Variants in SLC44A1 observed in about 807,000 individuals in gnomAD.
SLC44A1 encodes the protein solute carrier family 44 member 1.
Under a neutral mutation model 79.3 loss-of-function variants are expected in SLC44A1, and 26 were observed. The observed-to-expected ratio is 0.33, with a 90% CI of 0.24 to 0.46. The LOEUF is 0.46. Among genes scored for constraint, SLC44A1 ranks in the 20% least tolerant of loss-of-function variants. The pLI is 1.00. For synonymous variants in SLC44A1, 263 were observed against 286.2 expected (o/e 0.92, Z 0.82); for missense variants, 688 against 798.1 (o/e 0.86, Z 1.66).
intron 4 of SLC44A1, among the ~76,000 whole-genome samples, chr9:105,336,505 C>T (rs894653440): frequency 6.6e-6 from 1 of 152,056 alleles, no homozygotes; most frequent in African/African-American, 2.4e-5. Flanking sequence ...TTTTAACCAC[C>T]CTTTGTAGAG....
At chr9:105,317,779 G>A (rs1310819940) in intron 3 of SLC44A1, among the ~76,000 whole-genome samples, 1 of 152,188 alleles carries the variant, frequency 6.6e-6, no homozygotes, top group African/African-American at 2.4e-5. Flanking sequence ...CTCAGAAGAA[G>A]AGAGGTATAC....
intron 3 of SLC44A1, among the ~76,000 whole-genome samples, chr9:105,324,604 A>T (rs1312383477): frequency 1.3e-5 from 2 of 151,636 alleles, no homozygotes; most frequent in East Asian, 3.9e-4. Flanking sequence ...TTGTAATATA[A>T]TTTTTTCATA....
rs760479587 is a variant in SLC44A1 at position 105,335,611 on chromosome 9, G to A, written c.318G>A (p.Lys106=). Residue 106 remains lysine, a synonymous_variant, in exon 4 of 16, where the codon AAG becomes AAA. Transcript: ENST00000374720. The stretch of plus-strand genomic sequence containing the variant: ...GCAACCTGGACTTGATAAACCGGAA[G>A]ATTAAGTCTGTAGCACTGTGTGTAG... The part of the protein sequence containing the change: ...DPCNLDLINR[K]IKSVALCVAA... The A allele has an allele frequency of 1.9e-6, 3 of 1,613,362 alleles. No individual in the cohort carries two copies. The South Asian group carries it at 3.3e-5, about 18-fold the overall frequency.
At chr9:105,307,218 A>G (rs1234103517) in intron 2 of SLC44A1, among the ~76,000 whole-genome samples, 2 of 152,230 alleles carry the variant, frequency 1.3e-5, no homozygotes, top group Non-Finnish European at 2.9e-5. Flanking sequence ...AGAGATGAGG[A>G]GGGAACAGAG....
In SLC44A1 at chr9:105,387,060, A is replaced by ATATATATAT. The variant is rs761598964; in HGVS notation, c.1950+1558_1950+1559insTATATATAT. 8.9e-3 allele frequency among the ~76,000 whole-genome samples: 69 copies of ATATATATAT among 7,744 alleles called. 2 individuals are homozygous for ATATATATAT. The highest frequency in any genetic ancestry group is 0.023 in the African/African-American group (58 of 2,470). The allele number at this position is 7,744 out of a possible 152,430, so 5.1% of individuals were successfully genotyped here. A position where few individuals can be genotyped will look rare whatever the true frequency, so the allele number is the denominator to read the frequency against. On this transcript the variant is annotated intron_variant, in intron 15 of 15. Coordinates refer to ENST00000374720, the MANE Select transcript of SLC44A1 (RefSeq NM_080546.5). ...TCTCAAAAAAAAAAAAAAAAAAAAA[A>ATATATATAT]ATATATATATATATGATATAAAATA... is the stretch of plus-strand genomic sequence containing the variant.
intron 5 of SLC44A1, chr9:105,355,834 T>C (rs754369234): frequency 5.9e-6 from 1 of 168,260 alleles, no homozygotes; most frequent in Non-Finnish European, 1.3e-5. Context: ...CAATAAAGTA[T>C]GTGTTTGTAA....
chr9:105,330,811 A>G (rs1826726647), intron 3 of SLC44A1, among the ~76,000 whole-genome samples: 1 of 152,242 alleles, frequency 6.6e-6, no homozygotes, highest in Non-Finnish European at 1.5e-5. Context: ...CCCCAACTGT[A>G]ATAAATACAC....
rs36029577 is a variant in SLC44A1, at chr9:105,414,050, G to GTTT, written c.1951-24219_1951-24217dup. On this transcript the variant is annotated intron_variant, in intron 15 of 15. Coordinates refer to the SLC44A1 transcript ENST00000374724. ...GCTTTCGCTGGACAGTTAGTGTTTG[G>GTTT]TTTTTTTTTTTTTTGTATTTTTGTT... is the stretch of plus-strand genomic sequence containing the variant. Among the ~76,000 whole-genome samples, 39 of 140,336 alleles carry GTTT rather than the reference G, an allele frequency of 2.8e-4. 1 individual carries two copies. Among genetic ancestry groups the GTTT allele is most frequent in the African/African-American group, 8.3e-4 (32 of 38,458 alleles). The allele number at this position is 140,336 out of a possible 152,430, so 92.1% of individuals were successfully genotyped here.
chr9:105,424,328 G>T (rs929917578), intron 15 of SLC44A1, among the ~76,000 whole-genome samples: 2 of 152,194 alleles, frequency 1.3e-5, no homozygotes, highest in African/African-American at 4.8e-5. Flanking sequence ...TCTTCCTAAG[G>T]ATGGATACTG....
intron 7 of SLC44A1, among the ~76,000 whole-genome samples, chr9:105,360,144 A>G (rs1371503583): frequency 1.3e-5 from 2 of 151,558 alleles, no homozygotes; most frequent in Non-Finnish European, 2.9e-5. Flanking sequence ...TTTCTCTCAT[A>G]CTAGGCATGG....
chr9:105,347,427 A>G (rs1386662403), intron 4 of SLC44A1, among the ~76,000 whole-genome samples: 1 of 152,064 alleles, frequency 6.6e-6, no homozygotes, highest in Non-Finnish European at 1.5e-5. Flanking sequence ...ATATTATACA[A>G]TGAACCTTCC....
chr9:105,426,688 C>G (rs1272830478), intron 15 of SLC44A1, among the ~76,000 whole-genome samples: 4 of 152,102 alleles, frequency 2.6e-5, no homozygotes, highest in African/African-American at 9.7e-5. Context: ...AACCTGAATT[C>G]AAGCCCAGTC....
Position 105,390,308 on chromosome 9 carries a change from A to C in SLC44A1, c.*1252A>C, listed in dbSNP as rs1828730568. On this transcript the variant is annotated 3_prime_UTR_variant, in exon 16 of 16. Coordinates refer to ENST00000374720, the MANE Select transcript of SLC44A1 (RefSeq NM_080546.5). ...TGTAATTTGCTAAGAATAATTCATG[A>C]TCTGTTTATGCGATAACTCCTTTTT... is the stretch of plus-strand genomic sequence containing the variant. The C allele has an allele frequency of 1.0e-6, 1 of 994,876 alleles. No homozygotes were observed. The allele number at this position is 994,876 out of a possible 1,614,324, so 61.6% of individuals were successfully genotyped here. A position where few individuals can be genotyped will look rare whatever the true frequency, so the allele number is the denominator to read the frequency against.
At chr9:105,334,626 G>A (rs1431490112) in intron 3 of SLC44A1, among the ~76,000 whole-genome samples, 1 of 152,096 alleles carries the variant, frequency 6.6e-6, no homozygotes, top group Non-Finnish European at 1.5e-5. Context: ...ATTCCTTCTT[G>A]TACTCCCTTC....
chr9:105,293,809 TA>T (rs1320736299), intron 1 of SLC44A1, among the ~76,000 whole-genome samples: 1 of 152,034 alleles, frequency 6.6e-6, no homozygotes, highest in Non-Finnish European at 1.5e-5. Context: ...ATTTGTTTAC[TA>T]AAAAAAATAC....
chr9:105,388,735 G>T (rs1828690796), intron 15 of SLC44A1, among the ~76,000 whole-genome samples: 1 of 152,150 alleles, frequency 6.6e-6, no homozygotes, highest in Admixed American at 6.6e-5. Context: ...GAGATTTTCT[G>T]ACTGTCTGCT....
intron 12 of SLC44A1, among the ~76,000 whole-genome samples, chr9:105,372,836 G>C (rs1436735695): frequency 2.0e-5 from 3 of 147,612 alleles, no homozygotes. Flanking sequence ...TGTAGTCCCA[G>C]CTACTTGGGA....
At chr9:105,308,818 A>G (rs1428613712) in intron 2 of SLC44A1, among the ~76,000 whole-genome samples, 3 of 152,232 alleles carry the variant, frequency 2.0e-5, no homozygotes, top group South Asian at 4.1e-4. Context: ...TCTTAACCTC[A>G]GTCTTTCCCA....
chr9:105,275,563 C>T (rs568353936), intron 1 of SLC44A1, among the ~76,000 whole-genome samples: 3 of 152,194 alleles, frequency 2.0e-5, no homozygotes, highest in South Asian at 4.1e-4. Flanking sequence ...AAATTTGTAA[C>T]CTTCTTTTGA....
Sources: gnomAD v4.1 joint callset for allele counts (sites outside exome capture counted in the v4.1 genomes callset) on GRCh38, gnomAD v4.1.1 for gene constraint, MANE v1.5 for transcripts, NCBI Gene and HGNC (gene_info 2026-07-23, HGNC 2026-07-21) for gene names.